FSTL5: variants seen among roughly 807,000 people sequenced by gnomAD.
The protein encoded by FSTL5 is follistatin like 5.
In FSTL5, 62 loss-of-function variants were observed where a neutral mutation model predicts 89.1. That is an observed-to-expected ratio of 0.70 (90% CI 0.57 to 0.86). The LOEUF (loss-of-function observed/expected upper bound fraction) is 0.86. FSTL5 is among the 40% of genes least tolerant of loss of function. FSTL5 has a pLI of 0.00. For missense variants in FSTL5, 1,057 were observed against 1,001.6 expected, an observed-to-expected ratio of 1.06 and a Z score of -0.75; for synonymous variants, 383 against 346.2, an observed-to-expected ratio of 1.11 and a Z score of -1.18.
intron 1 of FSTL5, among the ~76,000 whole-genome samples, chr4:162,136,061 T>G (rs1732508116): frequency 6.6e-6 from 1 of 152,068 alleles, no homozygotes; most frequent in South Asian, 2.1e-4. Context: ...TTCAGAAATG[T>G]GACTGAGTAC....
chr4:162,138,531 AAG>A (rs1160683006), intron 1 of FSTL5, among the ~76,000 whole-genome samples: 1 of 152,116 alleles, frequency 6.6e-6, no homozygotes, highest in Non-Finnish European at 1.5e-5. Flanking sequence ...AAAAAATATC[AAG>A]ACTCTCATAC....
intron 8 of FSTL5, among the ~76,000 whole-genome samples, chr4:161,576,820 C>T (rs1208109256): frequency 1.3e-5 from 2 of 152,096 alleles, no homozygotes; most frequent in Non-Finnish European, 2.9e-5. Flanking sequence ...AAAAATTTGT[C>T]ATAGAAAAAA....
chr4:161,654,078 T>C (rs554868631), intron 7 of FSTL5, among the ~76,000 whole-genome samples: 1 of 152,282 alleles, frequency 6.6e-6, no homozygotes, highest in Admixed American at 6.5e-5. Context: ...CTTATATTTA[T>C]GTATATTTTA....
At chr4:162,133,165 G>A (rs1432659326) in intron 1 of FSTL5, among the ~76,000 whole-genome samples, 1 of 152,164 alleles carries the variant, frequency 6.6e-6, no homozygotes, top group South Asian at 2.1e-4. Context: ...TAGCCAGGAT[G>A]GTTCTAATAT....
At chr4:161,899,102 G>A (rs12507863) in intron 4 of FSTL5, among the ~76,000 whole-genome samples, 15,266 of 152,080 alleles carry the variant, frequency 0.1, 838 homozygotes, top group East Asian at 0.16. Flanking sequence ...GGATGGGGCC[G>A]TGGGGTCAAT....
intron 4 of FSTL5, among the ~76,000 whole-genome samples, chr4:161,822,749 C>T (rs1012394824): frequency 5.9e-5 from 9 of 152,152 alleles, no homozygotes; most frequent in African/African-American, 9.7e-5. Context: ...CTTTCAGGCC[C>T]GCATTCAGCA....
At position 161,658,485 on chromosome 4, in the gene FSTL5, C is replaced by A. The variant is rs77031349; in HGVS notation, c.728-1991G>T. On this transcript the variant is annotated intron_variant, in intron 6 of 15. Coordinates refer to ENST00000306100, the MANE Select transcript of FSTL5 (RefSeq NM_020116.5). The stretch of plus-strand genomic sequence containing the variant: ...AAAAAAAAAAAATAGGGAATATTTT[C>A]GGTCTGTTTTAGATTAATATATATT... 6.5e-4 allele frequency among the ~76,000 whole-genome samples: 98 copies of A among 151,814 alleles called. 4 individuals carry two copies. The East Asian group carries it at 0.018, about 27-fold the overall frequency.
chr4:161,775,609 G>T (rs185058429), intron 5 of FSTL5, among the ~76,000 whole-genome samples: 23 of 152,086 alleles, frequency 1.5e-4, no homozygotes, highest in Admixed American at 7.2e-4. Context: ...ACAAGATAAA[G>T]AACTTGTAAT....
chr4:162,149,171 T>C (rs1370671546), intron 1 of FSTL5, among the ~76,000 whole-genome samples: 3 of 152,062 alleles, frequency 2.0e-5, no homozygotes, highest in Non-Finnish European at 4.4e-5. Flanking sequence ...TCTGGAAGTG[T>C]TGAGTAATTG....
At chr4:161,795,880 C>T (rs1162210618) in intron 4 of FSTL5, among the ~76,000 whole-genome samples, 3 of 151,878 alleles carry the variant, frequency 2.0e-5, no homozygotes, top group Non-Finnish European at 4.4e-5. Context: ...AAGTGTAATG[C>T]CTCCAGCTTT....
intron 4 of FSTL5, among the ~76,000 whole-genome samples, chr4:161,871,494 C>T (rs1276354528): frequency 1.3e-5 from 2 of 151,956 alleles, no homozygotes; most frequent in African/African-American, 2.4e-5. Flanking sequence ...AAAAGCAACC[C>T]GGCAAACCAA....
intron 4 of FSTL5, among the ~76,000 whole-genome samples, chr4:161,814,254 C>G (rs359143): frequency 0.17 from 25,430 of 152,038 alleles, 2,262 homozygotes; most frequent in East Asian, 0.3. Context: ...ATGAAAGTCT[C>G]ATTAAACAAT....
intron 2 of FSTL5, among the ~76,000 whole-genome samples, chr4:162,089,656 A>AAAAAAAAAAG (rs1561012753): frequency 2.2e-5 from 3 of 136,490 alleles, no homozygotes; most frequent in Middle Eastern, 3.8e-3. Flanking sequence ...AAAAAGAAAA[A>AAAAAAAAAAG]AAAGAAAGAA....
intron 1 of FSTL5, among the ~76,000 whole-genome samples, chr4:162,113,900 G>T (rs10030681): frequency 0.2 from 30,496 of 152,000 alleles, 3,554 homozygotes; most frequent in East Asian, 0.36. Context: ...TGAAAAATGT[G>T]GGTCTTCTCC....
chr4:161,954,277 T>C (rs747098726), intron 3 of FSTL5, among the ~76,000 whole-genome samples: 46 of 151,584 alleles, frequency 3.0e-4, no homozygotes, highest in Admixed American at 3.3e-4. Context: ...CAAATAACTT[T>C]TTCAAATGAG....
At chr4:161,425,237 G>A (rs1385363360) in intron 15 of FSTL5, among the ~76,000 whole-genome samples, 1 of 152,140 alleles carries the variant, frequency 6.6e-6, no homozygotes, top group Admixed American at 6.5e-5. Flanking sequence ...TTCAGAGGCT[G>A]ACACTAAAGT....
At chr4:161,950,812 G>A (rs1197676940) in intron 3 of FSTL5, among the ~76,000 whole-genome samples, 1 of 152,148 alleles carries the variant, frequency 6.6e-6, no homozygotes, top group Non-Finnish European at 1.5e-5. Context: ...AATTTGGAAA[G>A]AGTTGTCAGG....
intron 3 of FSTL5, among the ~76,000 whole-genome samples, chr4:161,934,349 T>A (rs1734375075): frequency 6.6e-6 from 1 of 152,040 alleles, no homozygotes; most frequent in South Asian, 2.1e-4. Context: ...TCGCTGTATA[T>A]AAAATCATAG....
At chr4:161,705,983 TA>T (rs1738563600) in intron 6 of FSTL5, among the ~76,000 whole-genome samples, 1 of 94,388 alleles carries the variant, frequency 1.1e-5, no homozygotes, top group Non-Finnish European at 2.1e-5. Context: ...TATATATATA[TA>T]TATATATATA....
Sources: gnomAD v4.1 joint callset for allele counts (sites outside exome capture counted in the v4.1 genomes callset) on GRCh38, gnomAD v4.1.1 for gene constraint, MANE v1.5 for transcripts, NCBI Gene and HGNC (gene_info 2026-07-23, HGNC 2026-07-21) for gene names.